The following ADPGK variants were observed in gnomAD, a reference collection of about 807,000 sequenced individuals.
The protein encoded by ADPGK is ADP dependent glucokinase, also known as ADP-dependent glucokinase.
Under a neutral mutation model 42.4 loss-of-function variants are expected in ADPGK, and 26 were observed. The ratio of observed to expected loss-of-function variants is 0.61; its 90% CI spans 0.45 to 0.85. The LOEUF (loss-of-function observed/expected upper bound fraction) is 0.85. ADPGK is among the 40% of genes least tolerant of loss of function. ADPGK has a pLI of 0.00. For missense variants in ADPGK, 571 were observed against 627.0 expected (o/e 0.91, Z 0.95); for synonymous variants, 267 against 252.6 (o/e 1.06, Z -0.54).
chr15:72,782,527 C>CAAAA (rs5813692), intron 1 of ADPGK, among the ~76,000 whole-genome samples: 10,091 of 56,470 alleles, frequency 0.18, 580 homozygotes, highest in African/African-American at 0.25. Context: ...ACCCTGTGTC[C>CAAAA]AAAAAAAAAA....
Position 72,756,399 on chromosome 15 carries a change from A to C in ADPGK, c.692T>G (p.Phe231Cys). 6.2e-7 allele frequency: 1 copy of C among 1,614,202 alleles called. No individual in the cohort carries two copies. The highest frequency in any genetic ancestry group is 8.5e-7 in the Non-Finnish European group (1 of 1,180,032). The change falls in exon 5 of 7, where the codon TTC becomes TGC. Residue 231 changes from phenylalanine to cysteine, a missense_variant. Physicochemically the swap from Phe to Cys is radical, Grantham distance 205. Around this residue, in one of 2 missense-constraint regions of ADPGK, gnomAD observed 434 missense variants for 522.7 expected, o/e 0.83. Transcript: ENST00000456471. ...LKAPHANRFI[F>C]SHDLSNGAMN... is the part of the protein sequence containing the mutation. ...GGCCCCGTTGGAGAGGTCGTGAGAG[A>C]AGATGAATCGGTTGGCATGGGGAGC...
chr15:72,781,905 A>G (rs1595809036), intron 1 of ADPGK, among the ~76,000 whole-genome samples: 2 of 152,242 alleles, frequency 1.3e-5, no homozygotes, highest in East Asian at 1.9e-4. Context: ...TAGTGTCCAC[A>G]TAAGAAGAAT....
intron 6 of ADPGK, among the ~76,000 whole-genome samples, chr15:72,754,638 C>T (rs1020597238): frequency 6.6e-6 from 1 of 152,124 alleles, no homozygotes; most frequent in Non-Finnish European, 1.5e-5. Flanking sequence ...CAGTAAATAA[C>T]CAATATGTCC....
intron 6 of ADPGK, among the ~76,000 whole-genome samples, chr15:72,754,173 G>A (rs747709534): frequency 2.0e-5 from 3 of 151,708 alleles, no homozygotes; most frequent in Non-Finnish European, 4.4e-5. Context: ...GGAAAACAGA[G>A]TATTCAAGGA....
At position 72,760,503 on chromosome 15, in the gene ADPGK, G is replaced by C; in HGVS notation, c.547C>G (p.Pro183Ala). 1 of 1,606,998 alleles carries C rather than the reference G, an allele frequency of 6.2e-7. No individual in the cohort carries two copies. Reference protein sequence around the residue: ...LKVLLCGPVGPKLHELLDDNV... With the variant: ...LKVLLCGPVGAKLHELLDDNV... ...TCATCAAGAAGCTCATGTAGCTTTG[G>C]ACCAACTGGACCGCAAAGAAGAACC... The change falls in exon 4 of 7, where the codon CCA becomes GCA. Residue 183 changes from proline to alanine, a missense_variant. By Grantham distance (27) the Pro-to-Ala change is conservative (BLOSUM62 -1). Around this residue, in one of 2 missense-constraint regions of ADPGK, gnomAD observed 434 missense variants for 522.7 expected, o/e 0.83. Coordinates refer to ENST00000456471, the MANE Select transcript of ADPGK (RefSeq NM_001365225.1).
chr15:72,782,575 G>T (rs1341378680), intron 1 of ADPGK, among the ~76,000 whole-genome samples: 1 of 145,286 alleles, frequency 6.9e-6, no homozygotes, highest in Non-Finnish European at 1.5e-5. Context: ...AATATCGAAT[G>T]CTTTTTAAAG....
intron 5 of ADPGK, 78 bp from the exon 6 acceptor site, chr15:72,755,732 G>C: frequency 8.5e-7 from 1 of 1,174,262 alleles, no homozygotes. Context: ...ATCAGATCCT[G>C]AGAGGCGGTT....
chr15:72,762,322 T>C (rs1455902510), intron 3 of ADPGK, among the ~76,000 whole-genome samples: 1 of 152,228 alleles, frequency 6.6e-6, no homozygotes, highest in Non-Finnish European at 1.5e-5. Context: ...GTTTCAGATT[T>C]AGTATGTCCC....
Position 72,774,139 on chromosome 15 carries a change from G to A in ADPGK, c.459+733C>T, listed in dbSNP as rs116493190. On this transcript the variant is annotated intron_variant, in intron 2 of 6. Transcript: ENST00000456471. ...ATTACAGGCGTGAGCCACTGTGCCC[G>A]GCCTAAAATCTTAAGTCATCAAAAT... Among the ~76,000 whole-genome samples the A allele has an allele frequency of 7.9e-3, 1,204 of 152,246 alleles. 12 individuals are homozygous for A. The highest frequency in any genetic ancestry group is 0.028 in the African/African-American group (1,150 of 41,542).
At chr15:72,771,904 T>G in intron 2 of ADPGK, 59 bp from the exon 3 acceptor site, 1 of 1,339,390 alleles carries the variant, frequency 7.5e-7, no homozygotes, top group Non-Finnish European at 1.0e-6. Context: ...CACCCAAGTT[T>G]AATCATTTTT....
In ADPGK at chr15:72,775,094, G is replaced by T; in HGVS notation, c.237C>A (p.Val79=). Residue 79 remains valine (V), a synonymous_variant, in exon 2 of 7, where the codon GTC becomes GTA. Transcript: ENST00000456471. ...VRRWRRVAVG[V]NACVDVVLSG... ...AGAGCACCACATCAACACATGCATT[G>T]ACTCTAGAAGGAGGAAAAAAACTGT... is the stretch of plus-strand genomic sequence containing the variant. The T allele has an allele frequency of 6.2e-7, 1 of 1,613,660 alleles. No homozygotes were observed. The highest frequency in any genetic ancestry group is 1.1e-5 in the South Asian group (1 of 91,024).
chr15:72,781,256 A>C (rs1165297245), intron 1 of ADPGK, among the ~76,000 whole-genome samples: 1 of 152,158 alleles, frequency 6.6e-6, no homozygotes, highest in African/African-American at 2.4e-5. Context: ...ATTCTCAACA[A>C]AGAACTTGTC....
At chr15:72,761,279 A>G (rs2066189362) in intron 3 of ADPGK, among the ~76,000 whole-genome samples, 2 of 152,224 alleles carry the variant, frequency 1.3e-5, no homozygotes, top group South Asian at 4.1e-4. Flanking sequence ...TGTTGTCTGC[A>G]ACAAAGCTGC....
intron 3 of ADPGK, among the ~76,000 whole-genome samples, chr15:72,769,213 T>C (rs79482350): frequency 0.012 from 1,758 of 152,278 alleles, 29 homozygotes; most frequent in African/African-American, 0.039. Flanking sequence ...GTTGGTTTAA[T>C]ATGTGAAAGT....
rs564630742 is a variant in ADPGK at position 72,771,142 on chromosome 15, C to G, written c.522+641G>C. Among the ~76,000 whole-genome samples the G allele has an allele frequency of 3.9e-5, 6 of 152,282 alleles. No homozygotes were observed. In the East Asian group the frequency reaches 7.7e-4, roughly 20 times the overall value. On this transcript the variant is annotated intron_variant, in intron 3 of 6. Coordinates refer to ENST00000456471, the MANE Select transcript of ADPGK (RefSeq NM_001365225.1). ...GCGATAACTTTCTTGTTGGCCTCCC[C>G]CTTCAGGCCTATTCTACTCATAGCA... is the stretch of plus-strand genomic sequence containing the variant.
At chr15:72,782,527 CAAAAA>C (rs5813692) in intron 1 of ADPGK, among the ~76,000 whole-genome samples, 5 of 61,282 alleles carry the variant, frequency 8.2e-5, no homozygotes, top group Admixed American at 4.8e-4. Flanking sequence ...ACCCTGTGTC[CAAAAA>C]AAAAAAAAAA....
At position 72,783,624 on chromosome 15, in the gene ADPGK, A is replaced by G; in HGVS notation, c.68T>C (p.Leu23Pro). 11 of 1,515,288 alleles carry G rather than the reference A, an allele frequency of 7.3e-6. No homozygotes were observed. The highest frequency in any genetic ancestry group is 9.7e-6 in the Non-Finnish European group (11 of 1,139,676). 93.9% of individuals were successfully genotyped at this position (1,515,288 alleles called of 1,614,324 possible). A position where few individuals can be genotyped will look rare whatever the true frequency, so the allele number is the denominator to read the frequency against. The change falls in exon 1 of 7, where the codon CTG becomes CCG. Residue 23 changes from leucine (L) to proline (P), a missense_variant. Physicochemically the swap from Leu to Pro is moderately conservative, Grantham distance 98. Transcript: ENST00000456471. ...CGCCGAGCCTGGCAGCTCTGGCTCCAGCAGGAAGACGCAGCCCACGGCCAG... is the reference window on the plus strand; with the variant it reads ...CGCCGAGCCTGGCAGCTCTGGCTCCGGCAGGAAGACGCAGCCCACGGCCAG... ...LALAVGCVFL[L>P]EPELPGSALR...
chr15:72,760,524 G>A lies in ADPGK; in HGVS notation c.526C>T (p.Leu176Phe). 1 of 1,597,766 alleles carries A rather than the reference G, an allele frequency of 6.3e-7. No homozygotes were observed. The highest frequency in any genetic ancestry group is 1.1e-5 in the South Asian group (1 of 89,934). The stretch of plus-strand genomic sequence containing the variant: ...TTTGGACCAACTGGACCGCAAAGAA[G>A]AACCTGGAGGCAAGCAACACGAAGT... ...KFAANSDLKV[L>F]LCGPVGPKLH... Residue 176 changes from leucine to phenylalanine, a missense_variant, in exon 4 of 7, where the codon CTT becomes TTT. Around this residue, in one of 2 missense-constraint regions of ADPGK, gnomAD observed 434 missense variants for 522.7 expected, o/e 0.83. Transcript: ENST00000456471.
In ADPGK at chr15:72,758,173, C is replaced by T. The variant is rs530498959; in HGVS notation, c.644-1726G>A. The T allele has an allele frequency of 3.2e-6, 5 of 1,568,490 alleles. No homozygotes were observed. In the East Asian group the frequency reaches 1.1e-4, roughly 35 times the overall value. ...ACTCCTCCAGGCTAGACACAAACACCTCCAGCATATTCATGGCCCCGTTGG... is the reference window on the plus strand; with the variant it reads ...ACTCCTCCAGGCTAGACACAAACACTTCCAGCATATTCATGGCCCCGTTGG... On this transcript the variant is annotated intron_variant, in intron 4 of 6. Transcript: ENST00000456471.
Sources: allele counts gnomAD v4.1 joint callset (sites outside exome capture counted in the v4.1 genomes callset), GRCh38; gene constraint gnomAD v4.1.1; regional missense constraint gnomAD v4.1.1; transcripts MANE v1.5; gene names NCBI Gene and HGNC (gene_info 2026-07-23, HGNC 2026-07-21).